The following ZMYM2 variants were observed in gnomAD, a reference collection of about 807,000 sequenced individuals.
ZMYM2 encodes the protein zinc finger MYM-type containing 2.
A neutral mutation model predicts 162.8 loss-of-function variants in ZMYM2; 56 were observed. The observed-to-expected ratio is 0.34, with a 90% CI of 0.28 to 0.43. The LOEUF is 0.43. Ranked by LOEUF, ZMYM2 falls within the 20% of genes least tolerant of loss-of-function variation. ZMYM2 has a pLI of 1.00. For missense variants in ZMYM2, 1,275 were observed against 1,621.8 expected (o/e 0.79, Z 3.67); for synonymous variants, 510 against 541.6 (o/e 0.94, Z 0.81).
chr13:19,991,785 A>G (rs1411117699), intron 2 of ZMYM2, among the ~76,000 whole-genome samples: 2 of 151,624 alleles, frequency 1.3e-5, no homozygotes, highest in African/African-American at 2.4e-5. Flanking sequence ...ATGTGCTAAC[A>G]TGCCCGGCTA....
intron 5 of ZMYM2, among the ~76,000 whole-genome samples, chr13:20,006,048 A>G (rs917601891): frequency 6.6e-6 from 1 of 152,144 alleles, no homozygotes; most frequent in African/African-American, 2.4e-5. Context: ...CCTGGGAAGC[A>G]TAGTGGGACC....
intron 2 of ZMYM2, chr13:19,965,286 G>A (rs1490071127): frequency 7.7e-7 from 1 of 1,292,464 alleles, no homozygotes; most frequent in East Asian, 4.9e-5. Context: ...ACTAGTGTAA[G>A]AATTGACAAC....
At chr13:19,980,734 C>G (rs923221447) in intron 2 of ZMYM2, among the ~76,000 whole-genome samples, 2 of 116,482 alleles carry the variant, frequency 1.7e-5, no homozygotes, top group African/African-American at 7.1e-5. Context: ...GCCTGGGTGA[C>G]AGAGCGAGAC....
At chr13:20,030,592 GT>G (rs1953024274) in intron 9 of ZMYM2, among the ~76,000 whole-genome samples, 1 of 152,088 alleles carries the variant, frequency 6.6e-6, no homozygotes, top group African/African-American at 2.4e-5. Flanking sequence ...TAGAGACGGG[GT>G]TTTACCGTGT....
chr13:20,009,172 T>A (rs1950976780), intron 6 of ZMYM2, among the ~76,000 whole-genome samples: 1 of 152,196 alleles, frequency 6.6e-6, no homozygotes, highest in Non-Finnish European at 1.5e-5. Context: ...CTAGATTAAT[T>A]TCCTGTGAAA....
chr13:19,957,207 ATTAG>A (rs1954584691), upstream of ZMYM2, among the ~76,000 whole-genome samples: 1 of 152,194 alleles, frequency 6.6e-6, no homozygotes, highest in South Asian at 2.1e-4. Context: ...AGTTGCGTCT[ATTAG>A]TTTACACATC....
chr13:19,905,404 G>A, the ZMYM2 span, among the ~76,000 whole-genome samples: 3 of 152,138 alleles, frequency 2.0e-5, no homozygotes, highest in East Asian at 1.9e-4. Context: ...GTTAGGCAAC[G>A]CCTAGAGATA....
At chr13:20,052,196 G>A in intron 13 of ZMYM2, 81 bp from the exon 14 acceptor site, 3 of 1,193,098 alleles carry the variant, frequency 2.5e-6, no homozygotes, top group South Asian at 1.6e-5. Context: ...TTAAATTGGT[G>A]AAATTTAATG....
At chr13:19,934,847 A>G in the ZMYM2 span, among the ~76,000 whole-genome samples, 15 of 149,594 alleles carry the variant, frequency 1.0e-4, no homozygotes, top group South Asian at 2.1e-4. Context: ...GCTCACTGCC[A>G]TCTCCGCCTC....
the ZMYM2 span, among the ~76,000 whole-genome samples, chr13:19,894,729 T>C: frequency 6.6e-6 from 1 of 152,018 alleles, no homozygotes; most frequent in Non-Finnish European, 1.5e-5. Flanking sequence ...AAATATGGTT[T>C]CTATTGAATG....
chr13:19,871,803 G>A, the ZMYM2 span, among the ~76,000 whole-genome samples: 1 of 151,978 alleles, frequency 6.6e-6, no homozygotes, highest in South Asian at 2.1e-4. Context: ...GGATCATAAG[G>A]GATTTCTCAA....
At chr13:19,881,497 C>T in the ZMYM2 span, among the ~76,000 whole-genome samples, 1 of 151,876 alleles carries the variant, frequency 6.6e-6, no homozygotes, top group Admixed American at 6.6e-5. Flanking sequence ...TGGCATGCGC[C>T]TGTAATCCCA....
intron 16 of ZMYM2, 106 bp downstream of exon 16, chr13:20,059,668 C>T: frequency 1.5e-6 from 1 of 665,180 alleles, no homozygotes; most frequent in South Asian, 1.6e-5. Context: ...CTCCATGCAT[C>T]CACATATGTG....
At chr13:20,020,821 A>G (rs1952017715) in intron 7 of ZMYM2, among the ~76,000 whole-genome samples, 1 of 152,010 alleles carries the variant, frequency 6.6e-6, no homozygotes, top group South Asian at 2.1e-4. Context: ...ACCATGCAGC[A>G]TATTTTTTCA....
At chr13:19,869,030 C>T in the ZMYM2 span, among the ~76,000 whole-genome samples, 1 of 152,204 alleles carries the variant, frequency 6.6e-6, no homozygotes, top group Non-Finnish European at 1.5e-5. Context: ...GGATTACAGG[C>T]GTGAGCCACC....
intron 7 of ZMYM2, among the ~76,000 whole-genome samples, chr13:20,022,469 A>C (rs571895937): frequency 2.0e-5 from 3 of 152,300 alleles, no homozygotes; most frequent in African/African-American, 7.2e-5. Flanking sequence ...AGGTTTCTCC[A>C]GGGTAAAGTT....
chr13:19,876,224 A>T, the ZMYM2 span, among the ~76,000 whole-genome samples: 1 of 151,992 alleles, frequency 6.6e-6, no homozygotes, highest in Non-Finnish European at 1.5e-5. Flanking sequence ...ACGAGGTTTC[A>T]CCATGTTGGC....
chr13:19,991,076 T>G (rs941730059), intron 2 of ZMYM2, among the ~76,000 whole-genome samples: 1 of 134,476 alleles, frequency 7.4e-6, no homozygotes, highest in Non-Finnish European at 1.6e-5. Flanking sequence ...ACGTATGTAT[T>G]TTCTGTGTGT....
intron 2 of ZMYM2, among the ~76,000 whole-genome samples, chr13:19,968,260 G>T (rs1955989731): frequency 6.6e-6 from 1 of 151,778 alleles, no homozygotes; most frequent in African/African-American, 2.4e-5. Flanking sequence ...TCCTTTTTTT[G>T]AGCCAGAGTT....
Sources: allele counts gnomAD v4.1 joint callset (sites outside exome capture counted in the v4.1 genomes callset), GRCh38; gene constraint gnomAD v4.1.1; transcripts MANE v1.5; gene names NCBI Gene and HGNC (gene_info 2026-07-23, HGNC 2026-07-21).